Variants in DNAH9 observed in about 807,000 individuals in gnomAD.
DNAH9 encodes the protein dynein axonemal heavy chain 9, also known as DNAH9 variant protein.
Under a neutral mutation model 471.6 loss-of-function variants are expected in DNAH9, and 345 were observed. That is an observed-to-expected ratio of 0.73 (90% CI 0.67 to 0.80). The LOEUF is 0.80. Ranked by LOEUF, DNAH9 falls within the 30% of genes least tolerant of loss-of-function variation. The pLI, the probability that DNAH9 is intolerant of heterozygous loss-of-function variation, is 0.00. For synonymous variants in DNAH9, 2,093 were observed against 2,123.6 expected (o/e 0.99, Z 0.40); for missense variants, 5,407 against 5,609.2 (o/e 0.96, Z 1.15).
chr17:11,627,321 T>A (rs2072987250), intron 6 of DNAH9, among the ~76,000 whole-genome samples: 1 of 152,246 alleles, frequency 6.6e-6, no homozygotes, highest in Non-Finnish European at 1.5e-5. Context: ...GACCATGCTT[T>A]AAGTATTCTT....
intron 57 of DNAH9, among the ~76,000 whole-genome samples, chr17:11,887,995 T>G (rs554723607): frequency 9.9e-5 from 15 of 151,972 alleles, no homozygotes; most frequent in Admixed American, 2.0e-4. Context: ...TTTGTTTTTT[T>G]TTTTTGAGAG....
chr17:11,855,412 A>T (rs1971591800), intron 50 of DNAH9, among the ~76,000 whole-genome samples: 2 of 152,220 alleles, frequency 1.3e-5, no homozygotes, highest in South Asian at 4.1e-4. Context: ...CAAAGAGTGT[A>T]TTTAACCTTC....
rs553477484 is a variant in DNAH9, at chr17:11,819,909, T to A, written c.8708-2011T>A. On this transcript the variant is annotated intron_variant, in intron 45 of 68. Coordinates refer to ENST00000262442, the MANE Select transcript of DNAH9 (RefSeq NM_001372.4). ...TTTGAACAATAATAGTTTTATTACA[T>A]CCTTAACCTTAAACATTTTATTTTA... Among the ~76,000 whole-genome samples the A allele has an allele frequency of 3.3e-5, 5 of 152,338 alleles. No individual in the cohort carries two copies. In the East Asian group the frequency reaches 9.6e-4, roughly 29 times the overall value.
intron 4 of DNAH9, among the ~76,000 whole-genome samples, chr17:11,614,034 CA>C (rs2072691025): frequency 6.6e-6 from 1 of 152,060 alleles, no homozygotes; most frequent in Non-Finnish European, 1.5e-5. Flanking sequence ...GATACCATTA[CA>C]ATAGTGCCAG....
chr17:11,604,531 C>G (rs1321022012), intron 1 of DNAH9, among the ~76,000 whole-genome samples: 3 of 152,134 alleles, frequency 2.0e-5, no homozygotes, highest in Non-Finnish European at 2.9e-5. Flanking sequence ...TACTCAACAT[C>G]TCTATCTTAA....
chr17:11,670,517 A>G (rs905979961), intron 17 of DNAH9, among the ~76,000 whole-genome samples: 3 of 151,994 alleles, frequency 2.0e-5, no homozygotes, highest in African/African-American at 7.3e-5. Context: ...AGGGAGGCCA[A>G]CCTGACCCCC....
chr17:11,706,891 AGTTCCG>A (rs1192148826), intron 26 of DNAH9, among the ~76,000 whole-genome samples: 6 of 152,176 alleles, frequency 3.9e-5, no homozygotes, highest in Admixed American at 3.3e-4. Flanking sequence ...TGGAAGAGGG[AGTTCCG>A]ACTTTGGGGG....
intron 24 of DNAH9, among the ~76,000 whole-genome samples, chr17:11,703,250 T>C (rs974505597): frequency 2.0e-5 from 3 of 152,134 alleles, no homozygotes; most frequent in African/African-American, 7.2e-5. Context: ...TCTCAAGTTA[T>C]CCCAGTAAGG....
At chr17:11,768,431 C>G in intron 36 of DNAH9, 22 bp from the exon 37 acceptor site, 1 of 1,608,466 alleles carries the variant, frequency 6.2e-7, no homozygotes, top group Non-Finnish European at 8.5e-7. Flanking sequence ...ACCTTGTCCC[C>G]TGACTGTCTT....
At chr17:11,669,835 G>A (rs557742779) in intron 17 of DNAH9, 41 bp downstream of exon 17, 3 of 1,516,814 alleles carry the variant, frequency 2.0e-6, no homozygotes, top group Non-Finnish European at 1.8e-6. Flanking sequence ...ATGCTAGGCT[G>A]TGAGGAACAC....
chr17:11,786,520 C>G (rs768508917), intron 41 of DNAH9, among the ~76,000 whole-genome samples: 19 of 152,138 alleles, frequency 1.2e-4, no homozygotes, highest in Admixed American at 2.6e-4. Flanking sequence ...GTGCTAAGCC[C>G]TTTACATCTA....
intron 35 of DNAH9, among the ~76,000 whole-genome samples, chr17:11,762,784 T>TTTTTTTTTTTTG (rs1967758181): frequency 7.4e-6 from 1 of 135,182 alleles, no homozygotes; most frequent in Non-Finnish European, 1.6e-5. Flanking sequence ...TTTTTTTTTT[T>TTTTTTTTTTTTG]TTTTTTTTTT....
intron 53 of DNAH9, 102 bp from the exon 54 acceptor site, chr17:11,879,976 C>A: frequency 7.2e-7 from 1 of 1,394,798 alleles, no homozygotes; most frequent in South Asian, 1.4e-5. Context: ...GTGCCTCCAA[C>A]TATACCACCA....
chr17:11,830,027 T>C (rs529737198), intron 48 of DNAH9, among the ~76,000 whole-genome samples: 4 of 152,282 alleles, frequency 2.6e-5, no homozygotes, highest in South Asian at 2.1e-4. Context: ...TTTTCCTCCT[T>C]CTCCTCTCTG....
At chr17:11,791,053 C>G (rs986827169) in intron 41 of DNAH9, among the ~76,000 whole-genome samples, 3 of 152,040 alleles carry the variant, frequency 2.0e-5, no homozygotes, top group Non-Finnish European at 2.9e-5. Flanking sequence ...GCTCTTTATT[C>G]CTGTACATTC....
At chr17:11,950,579 G>A (rs1233166020) in intron 67 of DNAH9, among the ~76,000 whole-genome samples, 1 of 152,092 alleles carries the variant, frequency 6.6e-6, no homozygotes, top group Non-Finnish European at 1.5e-5. Context: ...TATGTTGCCA[G>A]GCTGGTCTCC....
At chr17:11,854,492 C>T (rs1366963968) in intron 50 of DNAH9, 64 bp downstream of exon 50, 6 of 1,470,732 alleles carry the variant, frequency 4.1e-6, no homozygotes, top group African/African-American at 1.4e-5. Flanking sequence ...GCTCTTCAGA[C>T]ACCATCTAAC....
intron 27 of DNAH9, among the ~76,000 whole-genome samples, chr17:11,722,607 G>A (rs549006962): frequency 6.6e-6 from 1 of 152,290 alleles, no homozygotes; most frequent in African/African-American, 2.4e-5. Context: ...AAGCGCCCTT[G>A]CTATCCCCTC....
chr17:11,763,672 T>C, intron 36 of DNAH9, 58 bp downstream of exon 36: 1 of 1,515,758 alleles, frequency 6.6e-7, no homozygotes, highest in East Asian at 2.3e-5. Context: ...CAAAAACTGA[T>C]CCTTTAGCAA....
Sources: allele counts gnomAD v4.1 joint callset (sites outside exome capture counted in the v4.1 genomes callset), GRCh38; gene constraint gnomAD v4.1.1; transcripts MANE v1.5; gene names NCBI Gene and HGNC (gene_info 2026-07-23, HGNC 2026-07-21).